DPP4: variants seen among roughly 807,000 people sequenced by gnomAD.
DPP4 encodes the protein dipeptidyl peptidase 4.
DPP4 carries 93 observed loss-of-function variants against 122.4 expected under a neutral mutation model. That is an observed-to-expected ratio of 0.76 (90% CI 0.64 to 0.90). The LOEUF (loss-of-function observed/expected upper bound fraction) is 0.90, where lower values mean the gene tolerates loss of function less well. DPP4 is among the 40% of genes least tolerant of loss of function. DPP4 has a pLI of 0.00. For synonymous variants in DPP4, 321 were observed against 302.9 expected (o/e 1.06, Z -0.62); for missense variants, 914 against 907.3 (o/e 1.01, Z -0.09).
intron 19 of DPP4, 69 bp downstream of exon 19, chr2:162,014,327 G>C: frequency 7.6e-7 from 1 of 1,315,624 alleles, no homozygotes; most frequent in Non-Finnish European, 1.1e-6. Flanking sequence ...CCATTTTTCA[G>C]TAAGCTGCAC....
At chr2:161,994,078 G>C (rs991056726) in intron 25 of DPP4, among the ~76,000 whole-genome samples, 2 of 152,176 alleles carry the variant, frequency 1.3e-5, no homozygotes, top group Non-Finnish European at 2.9e-5. Context: ...AAATAATTGG[G>C]AAGTCATTAC....
intron 2 of DPP4, among the ~76,000 whole-genome samples, chr2:162,058,685 ATAGTT>A (rs1244510378): frequency 6.6e-6 from 1 of 152,248 alleles, no homozygotes; most frequent in Non-Finnish European, 1.5e-5. Flanking sequence ...TGGTTGGTCA[ATAGTT>A]TAGGCTTTGT....
rs1180401892 is a variant in DPP4, at chr2:162,017,132, G to C, written c.1444C>G (p.Leu482Val). ...CSGPGLPLYT[L>V]HSSVNDKGLR... Reference sequence around the variant, plus strand: ...CCTTTATCATTCACGCTGCTGTGTAGAGTATAGAGGGGCAGACCAGGACCT... The same window carrying C: ...CCTTTATCATTCACGCTGCTGTGTACAGTATAGAGGGGCAGACCAGGACCT... The change falls in exon 17 of 26, where the codon CTA becomes GTA. Residue 482 changes from leucine (L) to valine (V), a missense_variant. Leu to Val is a conservative substitution (Grantham distance 32, BLOSUM62 1). Coordinates refer to ENST00000360534, the MANE Select transcript of DPP4 (RefSeq NM_001935.4). 6.2e-7 allele frequency: 1 copy of C among 1,612,116 alleles called. No homozygotes were observed. Among genetic ancestry groups the C allele is most frequent in the Non-Finnish European group, 8.5e-7 (1 of 1,179,796 alleles).
intron 2 of DPP4, among the ~76,000 whole-genome samples, chr2:162,052,869 GAAAT>G (rs1315041016): frequency 6.6e-6 from 1 of 152,162 alleles, no homozygotes; most frequent in Non-Finnish European, 1.5e-5. Flanking sequence ...ATCTCAGATA[GAAAT>G]AAAGATCTCA....
rs544741976 is a variant in DPP4 at position 162,014,307 on chromosome 2, G to A, written c.1637+89C>T. Reference sequence around the variant, plus strand: ...AGTGATCCAGGAAGAGGGAAAGGACGCATTTGGCTCCATTTTTCAGTAAGC... The same window carrying A: ...AGTGATCCAGGAAGAGGGAAAGGACACATTTGGCTCCATTTTTCAGTAAGC... On this transcript the variant is annotated intron_variant, in intron 19 of 25. Transcript: ENST00000360534. 138 of 1,014,258 alleles carry A rather than the reference G, an allele frequency of 1.4e-4. 1 individual carries two copies. In the African/African-American group the frequency reaches 1.8e-3, roughly 13 times the overall value. 62.8% of individuals were successfully genotyped at this position (1,014,258 alleles called of 1,614,324 possible). A position where few individuals can be genotyped will look rare whatever the true frequency, so the allele number is the denominator to read the frequency against.
chr2:162,048,322 AT>A (rs374548215), intron 2 of DPP4, among the ~76,000 whole-genome samples: 2,131 of 151,752 alleles, frequency 0.014, 38 homozygotes, highest in South Asian at 0.074. Flanking sequence ...ATTCCTGGAA[AT>A]TTTTTTTCTG....
intron 4 of DPP4, among the ~76,000 whole-genome samples, chr2:162,046,518 G>T (rs1420457674): frequency 6.6e-6 from 1 of 152,128 alleles, no homozygotes; most frequent in Non-Finnish European, 1.5e-5. Context: ...CCTCATGTAG[G>T]AACCAGCAGG....
At chr2:162,038,854 G>A (rs1683883284) in intron 7 of DPP4, 95 bp downstream of exon 7, 1 of 1,090,522 alleles carries the variant, frequency 9.2e-7, no homozygotes, top group African/African-American at 1.6e-5. Flanking sequence ...GAAGTATTGA[G>A]TTCCTAAGAT....
chr2:162,037,537 C>CTTCTTTG (rs1683822068), intron 8 of DPP4, among the ~76,000 whole-genome samples: 1 of 151,706 alleles, frequency 6.6e-6, no homozygotes, highest in African/African-American at 2.4e-5. Flanking sequence ...TTTTAAACTA[C>CTTCTTTG]AAAGAAGAAA....
intron 8 of DPP4, among the ~76,000 whole-genome samples, chr2:162,035,540 A>G (rs1036544042): frequency 2.6e-5 from 4 of 152,228 alleles, no homozygotes; most frequent in Admixed American, 6.5e-5. Flanking sequence ...AACCCGTTGG[A>G]CCATTTTAGA....
intron 23 of DPP4, among the ~76,000 whole-genome samples, chr2:162,002,928 G>A (rs912299555): frequency 6.6e-6 from 1 of 152,206 alleles, no homozygotes; most frequent in Non-Finnish European, 1.5e-5. Context: ...ACATTTCGGA[G>A]GAAGCAACTT....
At chr2:162,043,946 C>A (rs976544552) in intron 5 of DPP4, among the ~76,000 whole-genome samples, 8 of 152,006 alleles carry the variant, frequency 5.3e-5, no homozygotes, top group African/African-American at 1.9e-4. Flanking sequence ...GAGGATTAGT[C>A]AAGCCCAAAA....
chr2:162,033,511 C>G (rs372683906), intron 10 of DPP4, 30 bp downstream of exon 10: 1 of 1,560,570 alleles, frequency 6.4e-7, no homozygotes, highest in South Asian at 1.2e-5. Flanking sequence ...AAACTGTTTA[C>G]AAGCCAAGCA....
chr2:162,014,389 T>A lies in DPP4; in HGVS notation c.1637+7A>T, dbSNP rs766081862. On this transcript the variant is annotated splice_region_variant and intron_variant, in intron 19 of 25. Transcript: ENST00000360534. ...TTCTAAATTGCTCCCTTCTCTTGAA[T>A]ACTTACACATCTAATAGTAGAGGAT... 6.2e-6 allele frequency: 10 copies of A among 1,601,712 alleles called. No individual in the cohort carries two copies. Among genetic ancestry groups the A allele is most frequent in the Non-Finnish European group, 8.5e-6 (10 of 1,171,740 alleles).
chr2:162,053,347 A>G (rs1222661805), intron 2 of DPP4, among the ~76,000 whole-genome samples: 6 of 152,146 alleles, frequency 3.9e-5, no homozygotes, highest in East Asian at 1.9e-4. Flanking sequence ...GGGGTGTCCA[A>G]TGTTTTGGTT....
intron 25 of DPP4, among the ~76,000 whole-genome samples, chr2:161,993,604 A>G (rs990503467): frequency 6.6e-6 from 1 of 152,178 alleles, no homozygotes; most frequent in Non-Finnish European, 1.5e-5. Flanking sequence ...GAAGTCTCTG[A>G]TCCTCTTTTG....
At chr2:162,016,188 T>C (rs1024020007) in intron 18 of DPP4, among the ~76,000 whole-genome samples, 8 of 152,160 alleles carry the variant, frequency 5.3e-5, no homozygotes, top group African/African-American at 1.9e-4. Context: ...TGTTAGCCCT[T>C]AGTGGAAAAA....
At chr2:162,054,278 G>A (rs1296008208) in intron 2 of DPP4, among the ~76,000 whole-genome samples, 1 of 152,174 alleles carries the variant, frequency 6.6e-6, no homozygotes, top group Non-Finnish European at 1.5e-5. Context: ...TGATTTCACA[G>A]AGTCACAGCT....
chr2:162,018,964 G>T, intron 15 of DPP4, 114 bp from the exon 16 acceptor site: 1 of 1,369,156 alleles, frequency 7.3e-7, no homozygotes, highest in Non-Finnish European at 9.9e-7. Context: ...GCAATCTTTA[G>T]GACTTTTTTT....
Sources: gnomAD v4.1 joint callset for allele counts (sites outside exome capture counted in the v4.1 genomes callset) on GRCh38, gnomAD v4.1.1 for gene constraint, MANE v1.5 for transcripts, NCBI Gene and HGNC (gene_info 2026-07-23, HGNC 2026-07-21) for gene names.